Variants in CAMK1D observed in about 807,000 individuals in gnomAD.
CAMK1D encodes calcium/calmodulin dependent protein kinase ID, also known as calcium/calmodulin-dependent protein kinase type 1D.
CAMK1D carries 9 observed loss-of-function variants against 47.7 expected under a neutral mutation model. The observed-to-expected ratio is 0.19, with a 90% CI of 0.11 to 0.33. The LOEUF is 0.33. Among genes scored for constraint, CAMK1D ranks in the 10% least tolerant of loss-of-function variants. The pLI, the probability that CAMK1D is intolerant of heterozygous loss-of-function variation, is 1.00. For missense variants in CAMK1D, 291 were observed against 488.7 expected, an observed-to-expected ratio of 0.60 and a Z score of 3.81; for synonymous variants, 184 against 184.9, an observed-to-expected ratio of 0.99 and a Z score of 0.04.
chr10:12,423,214 A>G (rs931561232), intron 1 of CAMK1D, among the ~76,000 whole-genome samples: 2 of 152,168 alleles, frequency 1.3e-5, no homozygotes, highest in African/African-American at 4.8e-5. Context: ...TAGCTGTATC[A>G]TAAAGAAAGG....
chr10:12,652,193 A>G (rs962274612), intron 2 of CAMK1D, among the ~76,000 whole-genome samples: 2 of 152,146 alleles, frequency 1.3e-5, no homozygotes, highest in African/African-American at 4.8e-5. Context: ...ATTGTTGATT[A>G]CACTGGTTCC....
chr10:12,635,893 C>G lies in CAMK1D; in HGVS notation c.225-30843C>G, dbSNP rs1839500509. On this transcript the variant is annotated intron_variant, in intron 2 of 10. Transcript: ENST00000619168. ...AATTCAGTACTTAAATTGCATATTT[C>G]AGTTATAAGAGACAATTCACTAGGC... Among the ~76,000 whole-genome samples the G allele has an allele frequency of 2.0e-5, 3 of 152,116 alleles. No individual in the cohort carries two copies. The South Asian group carries it at 6.2e-4, about 32-fold the overall frequency.
At chr10:12,709,379 C>A (rs1384044163) in intron 3 of CAMK1D, among the ~76,000 whole-genome samples, 1 of 151,708 alleles carries the variant, frequency 6.6e-6, no homozygotes, top group African/African-American at 2.4e-5. Context: ...ACCAGCTGTC[C>A]CCACCTCTTT....
intron 2 of CAMK1D, among the ~76,000 whole-genome samples, chr10:12,573,253 T>C (rs11257897): frequency 0.13 from 19,509 of 152,232 alleles, 3,658 homozygotes; most frequent in African/African-American, 0.41. Flanking sequence ...CCTGCTGCTC[T>C]GATGCTGGGT....
At chr10:12,473,864 G>A (rs936590598) in intron 1 of CAMK1D, among the ~76,000 whole-genome samples, 17 of 152,168 alleles carry the variant, frequency 1.1e-4, no homozygotes, top group Non-Finnish European at 1.6e-4. Context: ...AGACTGCTAG[G>A]AAGTCCTCTG....
chr10:12,365,024 T>C (rs572483485), intron 1 of CAMK1D, among the ~76,000 whole-genome samples: 3 of 151,992 alleles, frequency 2.0e-5, no homozygotes, highest in Non-Finnish European at 4.4e-5. Context: ...TGGTGCGATC[T>C]TGACTCTCTG....
intron 2 of CAMK1D, among the ~76,000 whole-genome samples, chr10:12,615,616 G>T (rs1429899725): frequency 6.7e-6 from 1 of 148,430 alleles, no homozygotes; most frequent in African/African-American, 2.6e-5. Flanking sequence ...GTATGTATAC[G>T]TATGTGTAGT....
At chr10:12,816,901 T>C (rs1300513192) in intron 8 of CAMK1D, among the ~76,000 whole-genome samples, 1 of 131,796 alleles carries the variant, frequency 7.6e-6, no homozygotes, top group Non-Finnish European at 1.6e-5. Context: ...AAAAAAGACA[T>C]ACCCGAGACT....
chr10:12,407,898 C>T (rs1431065242), intron 1 of CAMK1D, among the ~76,000 whole-genome samples: 5 of 148,556 alleles, frequency 3.4e-5, no homozygotes, highest in African/African-American at 7.5e-5. Context: ...CACTCTGTCA[C>T]CCAGGCTGGA....
chr10:12,647,348 C>G (rs1321607629), intron 2 of CAMK1D, among the ~76,000 whole-genome samples: 13 of 150,042 alleles, frequency 8.7e-5, no homozygotes, highest in Admixed American at 8.6e-4. Flanking sequence ...TAGGTTTCAC[C>G]ATGTTGGCCA....
intron 2 of CAMK1D, among the ~76,000 whole-genome samples, chr10:12,626,726 C>T (rs1316528701): frequency 2.6e-5 from 4 of 152,124 alleles, no homozygotes; most frequent in East Asian, 1.9e-4. Flanking sequence ...CTGCCTGCCT[C>T]GGCCTCCCAA....
intron 2 of CAMK1D, among the ~76,000 whole-genome samples, chr10:12,664,260 G>T (rs117736012): frequency 1.3e-5 from 2 of 152,126 alleles, no homozygotes; most frequent in African/African-American, 4.8e-5. Context: ...TAGCAGAAAC[G>T]CAGCAAATGA....
intron 4 of CAMK1D, 36 bp downstream of exon 4, chr10:12,761,122 C>T (rs1243984099): frequency 6.2e-7 from 1 of 1,604,926 alleles, no homozygotes; most frequent in Non-Finnish European, 8.5e-7. Context: ...TGCAGCCACT[C>T]TGCAGCCCGC....
chr10:12,467,246 G>C (rs1397376069), intron 1 of CAMK1D, among the ~76,000 whole-genome samples: 1 of 134,894 alleles, frequency 7.4e-6, no homozygotes, highest in Non-Finnish European at 1.6e-5. Context: ...TCTGCCTCCC[G>C]GGTTCAAGCG....
At chr10:12,443,404 T>C (rs983225730) in intron 1 of CAMK1D, among the ~76,000 whole-genome samples, 1 of 152,136 alleles carries the variant, frequency 6.6e-6, no homozygotes, top group African/African-American at 2.4e-5. Flanking sequence ...AGTGTCGTGA[T>C]GACCTTCACG....
chr10:12,612,034 TAA>T (rs967291524), intron 2 of CAMK1D, among the ~76,000 whole-genome samples: 5 of 152,202 alleles, frequency 3.3e-5, no homozygotes, highest in African/African-American at 1.2e-4. Flanking sequence ...GTAGATAAAC[TAA>T]AAAGCACTCC....
At chr10:12,676,346 C>T (rs1189745101) in intron 3 of CAMK1D, among the ~76,000 whole-genome samples, 1 of 152,186 alleles carries the variant, frequency 6.6e-6, no homozygotes, top group East Asian at 1.9e-4. Context: ...CCCAAGCTCT[C>T]CTGTATAAAA....
chr10:12,688,119 T>G (rs1049048886), intron 3 of CAMK1D, among the ~76,000 whole-genome samples: 1 of 152,348 alleles, frequency 6.6e-6, no homozygotes, highest in Admixed American at 6.5e-5. Flanking sequence ...AAGTATTTCA[T>G]GTTCTGATTT....
intron 2 of CAMK1D, among the ~76,000 whole-genome samples, chr10:12,649,689 T>C (rs1839907980): frequency 6.6e-6 from 1 of 151,980 alleles, no homozygotes; most frequent in Admixed American, 6.6e-5. Flanking sequence ...AAAATGTTGG[T>C]GAAAAGAATA....
Sources: gnomAD v4.1 joint callset for allele counts (sites outside exome capture counted in the v4.1 genomes callset) on GRCh38, gnomAD v4.1.1 for gene constraint, MANE v1.5 for transcripts, NCBI Gene and HGNC (gene_info 2026-07-23, HGNC 2026-07-21) for gene names.